The following TRNT1 variants were observed in gnomAD, a reference collection of about 807,000 sequenced individuals.
TRNT1 encodes the protein CCA tRNA nucleotidyltransferase 1, mitochondrial.
In TRNT1, 44 loss-of-function variants were observed where a neutral mutation model predicts 45.6. The observed-to-expected ratio is 0.97, with a 90% confidence interval of 0.76 to 1.24. The LOEUF (loss-of-function observed/expected upper bound fraction) is 1.24. Ranked by LOEUF, TRNT1 falls within the 50% of genes most tolerant of loss-of-function variation. TRNT1 has a pLI of 0.00. For synonymous variants in TRNT1, 201 were observed against 171.4 expected (o/e 1.17, Z -1.35); for missense variants, 633 against 504.4 (o/e 1.25, Z -2.44).
intron 2 of TRNT1, among the ~76,000 whole-genome samples, chr3:3,135,619 G>C (rs1186227100): frequency 6.6e-6 from 1 of 152,184 alleles, no homozygotes; most frequent in Admixed American, 6.5e-5. Flanking sequence ...ATTTTAAGGA[G>C]TCTACAGAGA....
At chr3:3,143,571 G>A (rs552118411) in intron 4 of TRNT1, among the ~76,000 whole-genome samples, 8 of 152,272 alleles carry the variant, frequency 5.3e-5, no homozygotes, top group East Asian at 1.9e-4. Flanking sequence ...TCTGAAAGAC[G>A]CTATCTTGGA....
chr3:3,142,855 C>A (rs1559225956), intron 4 of TRNT1, among the ~76,000 whole-genome samples: 1 of 152,110 alleles, frequency 6.6e-6, no homozygotes, highest in African/African-American at 2.4e-5. Context: ...TACATATTTT[C>A]TTTTTATCAT....
rs1704811716 is a variant in TRNT1, at chr3:3,129,055, GT to G, written c.16del (p.Tyr6IlefsTer8). 6.2e-7 allele frequency: 1 copy of G among 1,611,338 alleles called. No individual in the cohort carries two copies. The highest frequency in any genetic ancestry group is 8.5e-7 in the Non-Finnish European group (1 of 1,178,512). ...TGCCTCTCCAGATGCTGAGGTGCCT[GT>G]ATCATTGGCACAGGCCAGTGCTGAA... Reference protein sequence around the residue: MLRCLYHWHRPVLNRR... With the variant: MLRCLXHWHRPVLNRR... On this transcript the variant is annotated frameshift_variant, in exon 2 of 8. Coordinates refer to ENST00000251607, the MANE Select transcript of TRNT1 (RefSeq NM_182916.3). LOFTEE classifies it high-confidence loss of function.
Position 3,137,555 on chromosome 3 carries a change from A to G in TRNT1, c.342+102A>G, listed in dbSNP as rs766168250. On this transcript the variant is annotated intron_variant, in intron 3 of 7. Transcript: ENST00000251607. Reference sequence around the variant, plus strand: ...CAAATAACGAAAAGTCTAATAAAAAAGTCAGTCTCTTCTATGCCCGTCATA... The same window carrying G: ...CAAATAACGAAAAGTCTAATAAAAAGGTCAGTCTCTTCTATGCCCGTCATA... 316 of 1,034,778 alleles carry G rather than the reference A, an allele frequency of 3.1e-4. 1 individual carries two copies. The highest frequency in any genetic ancestry group is 6.6e-5 in the Non-Finnish European group (48 of 722,964). 64.1% of individuals were successfully genotyped at this position (1,034,778 alleles called of 1,614,324 possible).
chr3:3,131,006 TG>T (rs539426551), intron 2 of TRNT1, among the ~76,000 whole-genome samples: 81 of 151,606 alleles, frequency 5.3e-4, no homozygotes, highest in Non-Finnish European at 8.7e-4. Flanking sequence ...CACTGAAGCC[TG>T]GGAGGGGGGC....
intron 2 of TRNT1, among the ~76,000 whole-genome samples, chr3:3,135,496 G>A (rs1212569544): frequency 6.6e-6 from 1 of 152,182 alleles, no homozygotes; most frequent in Non-Finnish European, 1.5e-5. Context: ...GGGCTTTCAT[G>A]GGAAATGTGG....
In TRNT1 at chr3:3,148,186, TG is replaced by T. The variant is rs1706195803; in HGVS notation, c.*34del. On this transcript the variant is annotated 3_prime_UTR_variant, in exon 8 of 8. Transcript: ENST00000251607. Reference sequence around the variant, plus strand: ...TGGCTACTAAAAAGCAGAGCATTTCTGGTAAGACTAAATTTTCTCCCCTCCC... The same window carrying T: ...TGGCTACTAAAAAGCAGAGCATTTCTGTAAGACTAAATTTTCTCCCCTCCC... 1 of 1,599,468 alleles carries T rather than the reference TG, an allele frequency of 6.3e-7. No individual in the cohort carries two copies. Among genetic ancestry groups the T allele is most frequent in the Non-Finnish European group, 8.5e-7 (1 of 1,174,120 alleles).
chr3:3,148,208 C>A lies in TRNT1; in HGVS notation c.*54C>A. The A allele has an allele frequency of 6.3e-7, 1 of 1,581,008 alleles. No individual in the cohort carries two copies. Among genetic ancestry groups the A allele is most frequent in the Non-Finnish European group, 8.6e-7 (1 of 1,165,450 alleles). On this transcript the variant is annotated 3_prime_UTR_variant, in exon 8 of 8. Transcript: ENST00000251607. ...TTCTGGTAAGACTAAATTTTCTCCC[C>A]TCCCTCTTAATGAGGTTTTAGAGAC... is the stretch of plus-strand genomic sequence containing the variant.
At chr3:3,147,025 CGTT>C (rs1310192507) in intron 6 of TRNT1, among the ~76,000 whole-genome samples, 2 of 152,130 alleles carry the variant, frequency 1.3e-5, no homozygotes, top group African/African-American at 4.8e-5. Context: ...GTTCAGTAAA[CGTT>C]GTAATTCATT....
intron 3 of TRNT1, among the ~76,000 whole-genome samples, chr3:3,139,205 T>C (rs1705496713): frequency 6.6e-6 from 1 of 152,218 alleles, no homozygotes. Context: ...TTCTGCCTCA[T>C]TAAGGGAGTC....
chr3:3,132,897 T>A (rs1705103091), intron 2 of TRNT1, among the ~76,000 whole-genome samples: 1 of 152,080 alleles, frequency 6.6e-6, no homozygotes, highest in Non-Finnish European at 1.5e-5. Context: ...TATTCTAAAG[T>A]TGACTTTTTC....
chr3:3,152,730 T>C (rs1431186816), downstream of TRNT1: 3 of 1,014,092 alleles, frequency 3.0e-6, no homozygotes, highest in Non-Finnish European at 1.5e-6. Flanking sequence ...AATACCAGGA[T>C]CTTAGTATGA....
At chr3:3,149,471 G>A (rs1290064504), downstream of TRNT1, 1 of 151,920 alleles carries the variant, frequency 6.6e-6, no homozygotes, top group Non-Finnish European at 1.5e-5. Flanking sequence ...AAACGGTATG[G>A]GACATACTGA....
downstream of TRNT1, among the ~76,000 whole-genome samples, chr3:3,151,799 C>G (rs1005432460): frequency 6.7e-6 from 1 of 148,996 alleles, no homozygotes; most frequent in African/African-American, 2.5e-5. Context: ...AACAGGTTCC[C>G]AGGATCATAG....
At chr3:3,147,842 G>A in intron 7 of TRNT1, 64 bp from the exon 8 acceptor site, 1 of 1,543,136 alleles carries the variant, frequency 6.5e-7, no homozygotes, top group Non-Finnish European at 8.7e-7. Flanking sequence ...TTAAATTTTA[G>A]GATAAGATTG....
At chr3:3,129,867 A>G in intron 2 of TRNT1, 1 of 1,550,552 alleles carries the variant, frequency 6.4e-7, no homozygotes, top group Non-Finnish European at 8.7e-7. Context: ...GAACTTACGC[A>G]GATTGATTTC....
intron 4 of TRNT1, among the ~76,000 whole-genome samples, chr3:3,142,275 A>G (rs372355789): frequency 5.6e-4 from 85 of 152,334 alleles, no homozygotes; most frequent in Middle Eastern, 3.4e-3. Flanking sequence ...TATTGGTACT[A>G]TCATTTTCTG....
intron 4 of TRNT1, among the ~76,000 whole-genome samples, chr3:3,141,666 TAAGAC>T (rs931108692): frequency 6.6e-6 from 1 of 152,214 alleles, no homozygotes; most frequent in African/African-American, 2.4e-5. Context: ...ACTTTAAAGT[TAAGAC>T]AAGCCCTTTA....
At chr3:3,143,186 T>G (rs1171015483) in intron 4 of TRNT1, among the ~76,000 whole-genome samples, 2 of 152,184 alleles carry the variant, frequency 1.3e-5, no homozygotes, top group Non-Finnish European at 2.9e-5. Context: ...AATTCCTTTT[T>G]CTATTTTTTT....
Sources: allele counts gnomAD v4.1 joint callset (sites outside exome capture counted in the v4.1 genomes callset), GRCh38; gene constraint gnomAD v4.1.1; transcripts MANE v1.5; gene names NCBI Gene and HGNC (gene_info 2026-07-23, HGNC 2026-07-21).